ROPN1L: variants seen among roughly 807,000 people sequenced by gnomAD.
ROPN1L encodes the protein ropporin-1-like protein.
ROPN1L carries 23 observed loss-of-function variants against 22.7 expected under a neutral mutation model. That is an observed-to-expected ratio of 1.01 (90% confidence interval 0.73 to 1.43). ROPN1L has a LOEUF of 1.43. ROPN1L is among the 40% of genes most tolerant of loss of function. The probability of loss-of-function intolerance (pLI) is 0.00; values close to 1 mark genes in which losing one functional copy is unlikely to be tolerated. For missense variants in ROPN1L, 271 were observed against 291.5 expected (o/e 0.93, Z 0.51); for synonymous variants, 116 against 117.8 (o/e 0.98, Z 0.10).
the ROPN1L span, among the ~76,000 whole-genome samples, chr5:10,480,634 C>T: frequency 1.3e-5 from 2 of 151,928 alleles, no homozygotes; most frequent in Admixed American, 1.3e-4. Context: ...AGTGTGTCCT[C>T]CAGTGTGAGT....
At chr5:10,453,066 C>T (rs768364770) in intron 3 of ROPN1L, among the ~76,000 whole-genome samples, 1 of 152,208 alleles carries the variant, frequency 6.6e-6, no homozygotes, top group South Asian at 2.1e-4. Flanking sequence ...CCACCTTTGC[C>T]AGCAGGACTC....
At chr5:10,447,892 GA>G (rs1323929261) in intron 1 of ROPN1L, among the ~76,000 whole-genome samples, 2 of 150,520 alleles carry the variant, frequency 1.3e-5, no homozygotes, top group African/African-American at 2.4e-5. Context: ...AAAAATTTAG[GA>G]AAAAAAAAGA....
intron 4 of ROPN1L, among the ~76,000 whole-genome samples, chr5:10,464,044 C>A (rs1441620026): frequency 1.3e-5 from 2 of 152,212 alleles, no homozygotes; most frequent in African/African-American, 2.4e-5. Flanking sequence ...CGCCTCCCTT[C>A]CTGTGCCAGT....
intron 4 of ROPN1L, among the ~76,000 whole-genome samples, chr5:10,471,480 G>A (rs930065734): frequency 1.3e-5 from 2 of 152,180 alleles, no homozygotes; most frequent in Non-Finnish European, 2.9e-5. Flanking sequence ...AAGTGTGTAG[G>A]TGGGGCGGCC....
rs752428434 is a variant in ROPN1L, at chr5:10,450,017, G to A, written c.321G>A (p.Pro107=). The part of the protein sequence containing the change: ...LEQKWKNLCL[P]KEKFKALLQL... ...AGAAGTGGAAGAACTTGTGCCTGCCGAAGGAAAAATTCAAAGCGCTCTTAC... is the reference window on the plus strand; with the variant it reads ...AGAAGTGGAAGAACTTGTGCCTGCCAAAGGAAAAATTCAAAGCGCTCTTAC... Residue 107 remains proline, a synonymous_variant, in exon 3 of 5, where the codon CCG becomes CCA. Transcript: ENST00000274134. 31 of 1,613,818 alleles carry A rather than the reference G, an allele frequency of 1.9e-5. 1 individual carries two copies. The highest frequency in any genetic ancestry group is 1.1e-4 in the African/African-American group (8 of 74,918).
At chr5:10,469,724 CTT>C (rs1735216140), downstream of ROPN1L, among the ~76,000 whole-genome samples, 1 of 152,166 alleles carries the variant, frequency 6.6e-6, no homozygotes, top group African/African-American at 2.4e-5. Flanking sequence ...TTCAAGCTAA[CTT>C]TATTTGTTGG....
At chr5:10,445,479 G>T (rs1561167245) in intron 1 of ROPN1L, among the ~76,000 whole-genome samples, 1 of 152,202 alleles carries the variant, frequency 6.6e-6, no homozygotes. Flanking sequence ...GTCCTTGAGA[G>T]ATTTTGTAGG....
chr5:10,469,320 TA>T (rs35356895), downstream of ROPN1L, among the ~76,000 whole-genome samples: 1,181 of 139,520 alleles, frequency 8.5e-3, 10 homozygotes, highest in African/African-American at 0.019. Flanking sequence ...ACAAAAAAAT[TA>T]AAAAAAAAAA....
intron 3 of ROPN1L, among the ~76,000 whole-genome samples, chr5:10,450,539 C>T (rs1741219663): frequency 6.6e-6 from 1 of 151,996 alleles, no homozygotes; most frequent in South Asian, 2.1e-4. Context: ...GCTGTTGTTG[C>T]CCAGGCTGGA....
rs762971211 is a variant in ROPN1L at position 10,452,287 on chromosome 5, A to ATG, written c.417+2200_417+2201dup. On this transcript the variant is annotated intron_variant, in intron 3 of 4. Coordinates refer to ENST00000274134, the MANE Select transcript of ROPN1L (RefSeq NM_031916.5). The stretch of plus-strand genomic sequence containing the variant: ...AGCCACTGCACCCAGCCTAAAGTAT[A>ATG]TGTGTGTGTGTGTGTGTGTGTGTGT... 5.2e-3 allele frequency among the ~76,000 whole-genome samples: 745 copies of ATG among 142,502 alleles called. 24 individuals carry two copies. The East Asian group carries it at 0.095, about 18-fold the overall frequency. 93.5% of individuals were successfully genotyped at this position (142,502 alleles called of 152,430 possible).
At chr5:10,457,676 A>G (rs1191490383) in intron 3 of ROPN1L, among the ~76,000 whole-genome samples, 2 of 152,154 alleles carry the variant, frequency 1.3e-5, no homozygotes, top group African/African-American at 4.8e-5. Context: ...ATTTTGTCCC[A>G]TAGCCTGGAG....
chr5:10,470,079 C>A (rs979642622), intron 4 of ROPN1L, among the ~76,000 whole-genome samples: 16 of 152,148 alleles, frequency 1.1e-4, no homozygotes, highest in African/African-American at 3.9e-4. Flanking sequence ...AGAAATTAAT[C>A]ATTTATTGAG....
the ROPN1L span, among the ~76,000 whole-genome samples, chr5:10,480,252 AT>A: frequency 6.6e-6 from 1 of 152,154 alleles, no homozygotes; most frequent in African/African-American, 2.4e-5. Context: ...AGACTGATAG[AT>A]TTTTTTCATT....
chr5:10,449,586 CTG>C (rs1741187843), intron 2 of ROPN1L, among the ~76,000 whole-genome samples: 1 of 152,164 alleles, frequency 6.6e-6, no homozygotes. Flanking sequence ...TCCTATCTAA[CTG>C]TTAATGTGAT....
At chr5:10,449,525 C>G (rs994710678) in intron 2 of ROPN1L, among the ~76,000 whole-genome samples, 1 of 152,118 alleles carries the variant, frequency 6.6e-6, no homozygotes, top group Non-Finnish European at 1.5e-5. Context: ...CAAAAATTAA[C>G]AAATAAATAT....
intron 3 of ROPN1L, among the ~76,000 whole-genome samples, chr5:10,460,516 C>T (rs1734999146): frequency 6.9e-6 from 1 of 145,600 alleles, no homozygotes; most frequent in South Asian, 2.3e-4. Context: ...GATGGGCTTT[C>T]CCGCTGAAAG....
At chr5:10,464,711 G>A (rs1264607875) in intron 4 of ROPN1L, 137 bp from the exon 5 acceptor site, 2 of 528,904 alleles carry the variant, frequency 3.8e-6, no homozygotes, top group Non-Finnish European at 6.8e-6. Flanking sequence ...TTTATTTTTG[G>A]AAGTAAGAAT....
At chr5:10,475,563 A>G (rs1183101423), downstream of ROPN1L, among the ~76,000 whole-genome samples, 2 of 152,248 alleles carry the variant, frequency 1.3e-5, no homozygotes, top group Non-Finnish European at 2.9e-5. Context: ...AAGAGTAAAC[A>G]TAATGCCCAC....
chr5:10,461,117 C>T, intron 3 of ROPN1L, 67 bp from the exon 4 acceptor site: 1 of 1,442,522 alleles, frequency 6.9e-7, no homozygotes. Flanking sequence ...TCTGCTGATG[C>T]CTGCTTTCAA....
Sources: allele counts gnomAD v4.1 joint callset (sites outside exome capture counted in the v4.1 genomes callset), GRCh38; gene constraint gnomAD v4.1.1; transcripts MANE v1.5; gene names NCBI Gene and HGNC (gene_info 2026-07-23, HGNC 2026-07-21).